Variants in CSMD1 observed in about 807,000 individuals in gnomAD.
CSMD1 encodes CUB and sushi domain-containing protein 1.
In CSMD1, 213 loss-of-function variants were observed where a neutral mutation model predicts 417.5. The ratio of observed to expected loss-of-function variants is 0.51; its 90% CI spans 0.46 to 0.57. The LOEUF (loss-of-function observed/expected upper bound fraction) is 0.57. CSMD1 is among the 20% of genes least tolerant of loss of function. The pLI is 0.00. For missense variants in CSMD1, 6,923 were observed against 4,529.7 expected, an observed-to-expected ratio of 1.53 and a Z score of -15.17; for synonymous variants, 2,862 against 1,736.8, an observed-to-expected ratio of 1.65 and a Z score of -16.11.
chr8:4,727,849 A>T (rs1183235577), intron 1 of CSMD1, among the ~76,000 whole-genome samples: 1 of 149,590 alleles, frequency 6.7e-6, no homozygotes, highest in East Asian at 1.9e-4. Context: ...TTATATATAC[A>T]TATTGGATAT....
intron 5 of CSMD1, among the ~76,000 whole-genome samples, chr8:3,929,333 G>T (rs1180711020): frequency 6.6e-6 from 1 of 150,480 alleles, no homozygotes; most frequent in East Asian, 2.0e-4. Flanking sequence ...GGTACAAACT[G>T]CATACATAAT....
At chr8:3,137,069 T>A (rs981968016) in intron 41 of CSMD1, among the ~76,000 whole-genome samples, 1 of 152,186 alleles carries the variant, frequency 6.6e-6, no homozygotes, top group Non-Finnish European at 1.5e-5. Flanking sequence ...ATCTGTATGT[T>A]CATCATCTCC....
intron 33 of CSMD1, among the ~76,000 whole-genome samples, chr8:3,191,043 G>A (rs958811908): frequency 2.6e-5 from 4 of 152,214 alleles, no homozygotes. Context: ...CTGGAGACCT[G>A]CTCTACAGCA....
intron 10 of CSMD1, among the ~76,000 whole-genome samples, chr8:3,523,674 C>G (rs200480175): frequency 6.6e-6 from 1 of 151,104 alleles, no homozygotes; most frequent in South Asian, 2.1e-4. Flanking sequence ...TGCACACACA[C>G]GTACACCCAG....
intron 3 of CSMD1, among the ~76,000 whole-genome samples, chr8:4,141,061 T>C (rs35705554): frequency 0.3 from 45,373 of 151,040 alleles, 8,493 homozygotes; most frequent in Non-Finnish European, 0.39. Context: ...TAACAAATTA[T>C]AAAATATCCC....
At chr8:3,951,523 C>T (rs144080768) in intron 5 of CSMD1, among the ~76,000 whole-genome samples, 293 of 152,080 alleles carry the variant, frequency 1.9e-3, no homozygotes, top group African/African-American at 6.6e-3. Flanking sequence ...CAGAAATTAA[C>T]CATGTAAATA....
In CSMD1 at chr8:3,711,220, A is replaced by G. The variant is rs1801490256; in HGVS notation, c.932-2729T>C. Among the ~76,000 whole-genome samples, 7 of 152,320 alleles carry G rather than the reference A, an allele frequency of 4.6e-5. No homozygotes were observed. In the South Asian group the frequency reaches 1.5e-3, roughly 32 times the overall value. ...CTTTTCCCAACAGTGTAGCTTAGCA[A>G]TGAAGAAATAAGTCCAATGTGGTTA... is the stretch of plus-strand genomic sequence containing the variant. On this transcript the variant is annotated intron_variant, in intron 6 of 69. Transcript: ENST00000635120.
At chr8:3,762,662 C>T (rs897128663) in intron 5 of CSMD1, among the ~76,000 whole-genome samples, 5 of 152,228 alleles carry the variant, frequency 3.3e-5, no homozygotes, top group Non-Finnish European at 7.3e-5. Flanking sequence ...TGACGCCGTA[C>T]AGGCACACTG....
At chr8:4,911,327 A>G (rs1805656626) in intron 1 of CSMD1, among the ~76,000 whole-genome samples, 1 of 152,200 alleles carries the variant, frequency 6.6e-6, no homozygotes, top group South Asian at 2.1e-4. Flanking sequence ...TAACTTAACC[A>G]ATATGCAGAT....
At chr8:4,559,871 A>G (rs1193960744) in intron 2 of CSMD1, among the ~76,000 whole-genome samples, 1 of 152,204 alleles carries the variant, frequency 6.6e-6, no homozygotes, top group Non-Finnish European at 1.5e-5. Context: ...CTTCTCCAGG[A>G]AAACGTTCTA....
intron 3 of CSMD1, among the ~76,000 whole-genome samples, chr8:4,275,079 G>C (rs1038687315): frequency 6.6e-6 from 1 of 152,102 alleles, no homozygotes; most frequent in Non-Finnish European, 1.5e-5. Context: ...TGAGATTAGT[G>C]ATATAAGAAA....
At chr8:4,600,767 G>A (rs1050799895) in intron 2 of CSMD1, among the ~76,000 whole-genome samples, 1 of 152,088 alleles carries the variant, frequency 6.6e-6, no homozygotes, top group African/African-American at 2.4e-5. Flanking sequence ...TAAGGCGTGA[G>A]GATAAATTGT....
chr8:4,521,202 A>G (rs942321159), intron 2 of CSMD1, among the ~76,000 whole-genome samples: 49 of 152,256 alleles, frequency 3.2e-4, no homozygotes, highest in African/African-American at 9.1e-4. Context: ...TGTTTTCTAT[A>G]TAAAAATACT....
intron 2 of CSMD1, among the ~76,000 whole-genome samples, chr8:4,566,018 A>G (rs536116526): frequency 6.6e-6 from 1 of 152,072 alleles, no homozygotes; most frequent in Non-Finnish European, 1.5e-5. Flanking sequence ...TCTATTTTAC[A>G]TATAACTTTA....
chr8:4,285,557 G>A (rs1797014402), intron 3 of CSMD1, among the ~76,000 whole-genome samples: 1 of 152,186 alleles, frequency 6.6e-6, no homozygotes, highest in Non-Finnish European at 1.5e-5. Context: ...CATGGATGAG[G>A]GCAGGTTTCG....
intron 5 of CSMD1, among the ~76,000 whole-genome samples, chr8:3,952,571 C>T (rs1464165109): frequency 2.0e-5 from 3 of 152,036 alleles, no homozygotes; most frequent in Non-Finnish European, 4.4e-5. Context: ...AGGCAGAAAA[C>T]AGATCAGCAG....
intron 3 of CSMD1, among the ~76,000 whole-genome samples, chr8:4,322,456 C>G (rs903626029): frequency 6.6e-6 from 1 of 152,084 alleles, no homozygotes; most frequent in Non-Finnish European, 1.5e-5. Context: ...GTAGGAAAAA[C>G]CCATAGCTCT....
intron 3 of CSMD1, among the ~76,000 whole-genome samples, chr8:4,337,288 G>C (rs888645808): frequency 5.9e-5 from 9 of 152,014 alleles, no homozygotes; most frequent in African/African-American, 1.2e-4. Flanking sequence ...ATTTCTGCTT[G>C]ACATTTTTCT....
At chr8:3,953,176 A>G (rs575748710) in intron 5 of CSMD1, among the ~76,000 whole-genome samples, 4 of 152,230 alleles carry the variant, frequency 2.6e-5, no homozygotes, top group Non-Finnish European at 4.4e-5. Context: ...TGGATTAGAG[A>G]TTTTACTTTG....
Sources: gnomAD v4.1 joint callset for allele counts (sites outside exome capture counted in the v4.1 genomes callset) on GRCh38, gnomAD v4.1.1 for gene constraint, MANE v1.5 for transcripts, NCBI Gene and HGNC (gene_info 2026-07-23, HGNC 2026-07-21) for gene names.